The following ZXDC variants were observed in gnomAD, a reference collection of about 807,000 sequenced individuals.
ZXDC encodes ZXD family zinc finger C.
ZXDC carries 58 observed loss-of-function variants against 63.6 expected under a neutral mutation model. The ratio of observed to expected loss-of-function variants is 0.91; its 90% CI spans 0.74 to 1.13. ZXDC has a LOEUF of 1.13. Ranked by LOEUF, ZXDC falls within the 50% of genes most tolerant of loss-of-function variation. The pLI is 0.00. For synonymous variants in ZXDC, 561 were observed against 496.1 expected (o/e 1.13, Z -1.74); for missense variants, 1,133 against 1,148.9 (o/e 0.99, Z 0.20).
intron 7 of ZXDC, chr3:126,453,317 A>T: frequency 4.1e-6 from 4 of 985,448 alleles, no homozygotes; most frequent in Non-Finnish European, 4.8e-6. Context: ...ATGAGGGCCT[A>T]GGGGCCATAT....
chr3:126,460,990 T>C (rs1354165402), intron 6 of ZXDC: 3 of 974,052 alleles, frequency 3.1e-6, no homozygotes, highest in African/African-American at 1.8e-5. Context: ...ATATTAAATG[T>C]ATAATTGATA....
chr3:126,452,819 A>G (rs1156229618), intron 7 of ZXDC, among the ~76,000 whole-genome samples: 4 of 151,350 alleles, frequency 2.6e-5, no homozygotes, highest in African/African-American at 9.7e-5. Flanking sequence ...GCTCACGACA[A>G]CCTCCATCTC....
chr3:126,446,585 AG>A (rs1446596890), intron 7 of ZXDC, among the ~76,000 whole-genome samples: 1 of 152,126 alleles, frequency 6.6e-6, no homozygotes, highest in Non-Finnish European at 1.5e-5. Context: ...TGATAACCAC[AG>A]GGGGTCATGC....
In ZXDC at chr3:126,438,340, C is replaced by T. The variant is rs778696810; in HGVS notation, c.*35G>A. 177 of 1,576,964 alleles carry T rather than the reference C, an allele frequency of 1.1e-4. No individual in the cohort carries two copies. Among genetic ancestry groups the T allele is most frequent in the Non-Finnish European group, 1.4e-4 (159 of 1,155,330 alleles). ...AGTCTCAGGGAAGGTGTGTCCTAGA[C>T]CGTGGCCTTGGGCCTGCCCAGGCCG... On this transcript the variant is annotated 3_prime_UTR_variant, in exon 10 of 10. Transcript: ENST00000389709.
chr3:126,455,707 T>C (rs184179437), intron 7 of ZXDC, among the ~76,000 whole-genome samples: 2 of 152,114 alleles, frequency 1.3e-5, no homozygotes, highest in Non-Finnish European at 2.9e-5. Flanking sequence ...AAAGAATCAA[T>C]ATCGTTGAGG....
chr3:126,448,552 C>T (rs77473788), intron 7 of ZXDC, among the ~76,000 whole-genome samples: 2,648 of 152,320 alleles, frequency 0.017, 73 homozygotes, highest in African/African-American at 0.061. Flanking sequence ...GGGCATTCCA[C>T]ACAGGCATCC....
intron 7 of ZXDC, among the ~76,000 whole-genome samples, chr3:126,449,073 A>C (rs962877309): frequency 1.3e-5 from 2 of 152,162 alleles, no homozygotes; most frequent in Non-Finnish European, 2.9e-5. Flanking sequence ...AGAAGAGTAA[A>C]TGTAGCAGGA....
At chr3:126,453,287 T>C (rs981365783) in intron 7 of ZXDC, 6 of 985,368 alleles carry the variant, frequency 6.1e-6, no homozygotes, top group African/African-American at 1.7e-5. Flanking sequence ...TTTTTTTAAT[T>C]GCTCAGACAG....
At chr3:126,460,764 G>A in intron 6 of ZXDC, 2 of 985,384 alleles carry the variant, frequency 2.0e-6, no homozygotes, top group Non-Finnish European at 2.4e-6. Flanking sequence ...GCTCCATGGA[G>A]CCTCAGCTAC....
At chr3:126,460,644 T>G (rs1383560701) in intron 6 of ZXDC, 4 of 985,166 alleles carry the variant, frequency 4.1e-6, no homozygotes, top group Non-Finnish European at 3.6e-6. Flanking sequence ...GCAACTACTA[T>G]GGCCGCCTAA....
At chr3:126,458,340 G>T (rs983273399) in intron 7 of ZXDC, among the ~76,000 whole-genome samples, 9 of 150,764 alleles carry the variant, frequency 6.0e-5, no homozygotes, top group Non-Finnish European at 1.3e-4. Context: ...GGGTTCAAGC[G>T]ATTCTCCTGC....
In ZXDC at chr3:126,437,660, T is replaced by G. The variant is rs564690165; in HGVS notation, c.*715A>C. On this transcript the variant is annotated 3_prime_UTR_variant, in exon 10 of 10. Coordinates refer to ENST00000389709, the MANE Select transcript of ZXDC (RefSeq NM_025112.5). ...CATCACTTTATAAACTGTTGCCAAA[T>G]TACCACTTAAACACTAATATCCAAA... The G allele has an allele frequency of 5.9e-5, 9 of 152,412 alleles. No individual in the cohort carries two copies. Among genetic ancestry groups the G allele is most frequent in the African/African-American group, 1.9e-4 (8 of 41,528 alleles). 9.4% of individuals were successfully genotyped at this position (152,412 alleles called of 1,614,324 possible). A position where few individuals can be genotyped will look rare whatever the true frequency, so the allele number is the denominator to read the frequency against.
intron 6 of ZXDC, chr3:126,460,662 C>T (rs1365194673): frequency 7.1e-6 from 7 of 985,254 alleles, no homozygotes; most frequent in Admixed American, 6.2e-5. Context: ...TAAGCAAATG[C>T]CGGCAAGCAT....
chr3:126,472,642 G>C (rs184907971), intron 1 of ZXDC, among the ~76,000 whole-genome samples: 9 of 152,296 alleles, frequency 5.9e-5, no homozygotes, highest in Non-Finnish European at 1.3e-4. Context: ...AGAACCCCAT[G>C]AGAGAAATCA....
chr3:126,446,676 A>ATG (rs2107632345), intron 7 of ZXDC, among the ~76,000 whole-genome samples: 1 of 152,380 alleles, frequency 6.6e-6, no homozygotes, highest in East Asian at 1.9e-4. Context: ...GGAAGATCAG[A>ATG]GGTCACTGGG....
intron 7 of ZXDC, chr3:126,451,332 C>T (rs1382142991): frequency 4.1e-6 from 4 of 985,258 alleles, no homozygotes; most frequent in Admixed American, 6.2e-5. Context: ...TATGAACTTA[C>T]TGAAAACATG....
chr3:126,453,320 G>A (rs1934182239), intron 7 of ZXDC: 19 of 985,108 alleles, frequency 1.9e-5, no homozygotes, highest in Non-Finnish European at 2.2e-5. Flanking sequence ...AGGGCCTAGG[G>A]GCCATATCCC....
intron 1 of ZXDC, among the ~76,000 whole-genome samples, chr3:126,474,428 T>C (rs887052736): frequency 6.6e-6 from 1 of 152,212 alleles, no homozygotes; most frequent in Non-Finnish European, 1.5e-5. Flanking sequence ...GAGGACAGTT[T>C]TTAACCTTCA....
intron 7 of ZXDC, among the ~76,000 whole-genome samples, chr3:126,444,763 G>A (rs545433507): frequency 6.6e-6 from 1 of 152,276 alleles, no homozygotes; most frequent in East Asian, 1.9e-4. Context: ...CAAGAAATAT[G>A]ACTGAATCCT....
Sources: gnomAD v4.1 joint callset for allele counts (sites outside exome capture counted in the v4.1 genomes callset) on GRCh38, gnomAD v4.1.1 for gene constraint, MANE v1.5 for transcripts, NCBI Gene and HGNC (gene_info 2026-07-23, HGNC 2026-07-21) for gene names.